The following LOX variants were observed in gnomAD, a reference collection of about 807,000 sequenced individuals.
LOX encodes protein-lysine 6-oxidase.
A neutral mutation model predicts 50.5 loss-of-function variants in LOX; 12 were observed. The observed-to-expected ratio is 0.24, with a 90% CI of 0.15 to 0.38. The LOEUF (loss-of-function observed/expected upper bound fraction) is 0.38. LOX is among the 10% of genes least tolerant of loss of function. LOX has a pLI of 1.00. For synonymous variants in LOX, 254 were observed against 230.6 expected, an observed-to-expected ratio of 1.10 and a Z score of -0.92; for missense variants, 504 against 563.8, an observed-to-expected ratio of 0.89 and a Z score of 1.07.
Position 122,064,074 on chromosome 5 carries a change from C to G in LOX, c.*2669G>C, listed in dbSNP as rs1754236536. The stretch of plus-strand genomic sequence containing the variant: ...GATCGCTAATATGGCATATTGTAAA[C>G]TGACTCATAAACTCTGAAATTATGT... On this transcript the variant is annotated 3_prime_UTR_variant, in exon 7 of 7. Coordinates refer to ENST00000231004, the MANE Select transcript of LOX (RefSeq NM_002317.7). The G allele has an allele frequency of 2.6e-5, 4 of 151,980 alleles. No homozygotes were observed. The South Asian group carries it at 8.3e-4, about 32-fold the overall frequency. The allele number at this position is 151,980 out of a possible 1,614,324, so 9.4% of individuals were successfully genotyped here.
chr5:122,077,726 G>C lies in LOX; in HGVS notation c.260C>G (p.Pro87Arg), dbSNP rs572413728. The C allele has an allele frequency of 6.3e-7, 1 of 1,580,308 alleles. No homozygotes were observed. Among genetic ancestry groups the C allele is most frequent in the Admixed American group, 1.8e-5 (1 of 55,694 alleles). The change falls in exon 1 of 7, where the codon CCC becomes CGC. Residue 87 changes from proline to arginine, a missense_variant. Physicochemically the swap from Pro to Arg is moderately radical, Grantham distance 103. Transcript: ENST00000231004. The surrounding 1 kb of genome is among the most constrained non-coding windows in gnomAD (Gnocchi z 4.9). ...PGAANASAQQPRTPILLIRDN... is the reference protein window; with the variant it reads ...PGAANASAQQRRTPILLIRDN... ...GCGGATCAGCAGGATCGGAGTGCGGGGCTGCTGGGCGGAGGCGTTGGCTGC... is the reference window on the plus strand; with the variant it reads ...GCGGATCAGCAGGATCGGAGTGCGGCGCTGCTGGGCGGAGGCGTTGGCTGC...
chr5:122,077,831 C>T lies in LOX; in HGVS notation c.155G>A (p.Gly52Glu), dbSNP rs1459190604. ...CAGGCTCAGCAAGCTGAACACCTGC[C>T]CGTTGTTCTCCCATTGGATCTGCTG... ...WRQQIQWENN[G>E]QVFSLLSLGS... Residue 52 changes from glycine (G) to glutamate (E), a missense_variant, in exon 1 of 7, where the codon GGG becomes GAG. Around this residue, in one of 2 missense-constraint regions of LOX, gnomAD observed 398 missense variants for 365.8 expected, o/e 1.09. Coordinates refer to ENST00000231004, the MANE Select transcript of LOX (RefSeq NM_002317.7). The surrounding 1 kb of genome is among the most constrained non-coding windows in gnomAD (Gnocchi z 4.9). 4 of 1,551,748 alleles carry T rather than the reference C, an allele frequency of 2.6e-6. No individual in the cohort carries two copies. The African/African-American group carries it at 4.1e-5, about 16-fold the overall frequency.
chr5:122,072,161 G>A (rs1009602955), intron 4 of LOX, among the ~76,000 whole-genome samples: 1 of 152,116 alleles, frequency 6.6e-6, no homozygotes, highest in Non-Finnish European at 1.5e-5. Context: ...CATTTAAGAT[G>A]GGTTTACATA....
rs1464984997 is a variant in LOX, at chr5:122,063,308, A to C, written c.*3435T>G. 1 of 151,986 alleles carries C rather than the reference A, an allele frequency of 6.6e-6. No individual in the cohort carries two copies. The highest frequency in any genetic ancestry group is 1.5e-5 in the Non-Finnish European group (1 of 67,916). 9.4% of individuals were successfully genotyped at this position (151,986 alleles called of 1,614,324 possible). On this transcript the variant is annotated 3_prime_UTR_variant, in exon 7 of 7. Coordinates refer to ENST00000231004, the MANE Select transcript of LOX (RefSeq NM_002317.7). ...AGGAACATAAAGCCAATGTCTGAGCATTTAAAATAAGAGTTCTTCAAAAAA... is the reference window on the plus strand; with the variant it reads ...AGGAACATAAAGCCAATGTCTGAGCCTTTAAAATAAGAGTTCTTCAAAAAA...
rs535668163 is a variant in LOX at position 122,070,813 on chromosome 5, T to G, written c.1036-224A>C. The G allele has an allele frequency of 8.6e-4, 290 of 337,060 alleles. 1 individual carries two copies. Among genetic ancestry groups the G allele is most frequent in the African/African-American group, 5.6e-3 (264 of 47,316 alleles). The allele number at this position is 337,060 out of a possible 1,614,324, so 20.9% of individuals were successfully genotyped here. ...AATATAAGTAGTAGTACACCTCACTTCTTAAAAGTGTCATATATCACCAGA... is the reference window on the plus strand; with the variant it reads ...AATATAAGTAGTAGTACACCTCACTGCTTAAAAGTGTCATATATCACCAGA... On this transcript the variant is annotated intron_variant, in intron 4 of 6. Transcript: ENST00000231004.
At chr5:122,072,469 ATATT>A (rs1304401132) in intron 4 of LOX, among the ~76,000 whole-genome samples, 4 of 152,202 alleles carry the variant, frequency 2.6e-5, no homozygotes, top group African/African-American at 4.8e-5. Flanking sequence ...AGTTTCGTAT[ATATT>A]TAATATGTAA....
Position 122,065,971 on chromosome 5 carries a change from T to C in LOX, c.*772A>G, listed in dbSNP as rs1159972859. On this transcript the variant is annotated 3_prime_UTR_variant, in exon 7 of 7. Transcript: ENST00000231004. ...AGAATGGTGATATTAAGAATCCCACTTACAACATCTCTGCCCATGGGAAAG... is the reference window on the plus strand; with the variant it reads ...AGAATGGTGATATTAAGAATCCCACCTACAACATCTCTGCCCATGGGAAAG... The C allele has an allele frequency of 6.6e-6, 1 of 152,080 alleles. No individual in the cohort carries two copies. Among genetic ancestry groups the C allele is most frequent in the Non-Finnish European group, 1.5e-5 (1 of 67,984 alleles). 9.4% of individuals were successfully genotyped at this position (152,080 alleles called of 1,614,324 possible).
chr5:122,075,570 A>T, intron 2 of LOX, 29 bp from the exon 3 acceptor site: 1 of 1,460,266 alleles, frequency 6.8e-7, no homozygotes, highest in Non-Finnish European at 9.3e-7. Flanking sequence ...AAAAATTATT[A>T]TATTCATGGA....
In LOX at chr5:122,070,257, G is replaced by T. The variant is rs1754411574; in HGVS notation, c.1132-89C>A. On this transcript the variant is annotated intron_variant, in intron 5 of 6. Transcript: ENST00000231004. ...AATGAGGACTTAGCTAAATCAAGCA[G>T]GGAAGGGATTTTAACTTAAGTAAGT... The T allele has an allele frequency of 3.8e-6, 3 of 795,226 alleles. No homozygotes were observed. In the Admixed American group the frequency reaches 6.0e-5, roughly 16 times the overall value. The allele number at this position is 795,226 out of a possible 1,614,324, so 49.3% of individuals were successfully genotyped here.
chr5:122,066,576 C>A lies in LOX; in HGVS notation c.*167G>T, dbSNP rs1345210948. The A allele has an allele frequency of 5.7e-6, 3 of 523,128 alleles. No homozygotes were observed. The highest frequency in any genetic ancestry group is 3.2e-5 in the Admixed American group (1 of 31,256). 32.4% of individuals were successfully genotyped at this position (523,128 alleles called of 1,614,324 possible). ...CCCAAGTAATGATGACTTAAGCGTT[C>A]AAAATCCAGTTATGTGCTTTGTTAT... On this transcript the variant is annotated 3_prime_UTR_variant, in exon 7 of 7. Transcript: ENST00000231004.
intron 3 of LOX, 29 bp downstream of exon 3, chr5:122,075,375 A>G (rs1161353165): frequency 1.9e-6 from 3 of 1,560,858 alleles, no homozygotes; most frequent in East Asian, 2.3e-5. Context: ...AAAGCAACCC[A>G]AAAGTACCCA....
intron 6 of LOX, among the ~76,000 whole-genome samples, chr5:122,069,327 C>T (rs1754387991): frequency 6.6e-6 from 1 of 152,062 alleles, no homozygotes; most frequent in African/African-American, 2.4e-5. Flanking sequence ...ACTCAAGTGG[C>T]ATATGTAATT....
At position 122,064,222 on chromosome 5, in the gene LOX, G is replaced by T. The variant is rs1402414057; in HGVS notation, c.*2521C>A. 1 of 151,832 alleles carries T rather than the reference G, an allele frequency of 6.6e-6. No homozygotes were observed. Among genetic ancestry groups the T allele is most frequent in the South Asian group, 2.1e-4 (1 of 4,824 alleles). 9.4% of individuals were successfully genotyped at this position (151,832 alleles called of 1,614,324 possible). On this transcript the variant is annotated 3_prime_UTR_variant, in exon 7 of 7. Coordinates refer to ENST00000231004, the MANE Select transcript of LOX (RefSeq NM_002317.7). The stretch of plus-strand genomic sequence containing the variant: ...ATGTATTTAGAGTTTGGTAAGACTG[G>T]TCTGTGTTATTTTATTAATTGATAA...
intron 6 of LOX, among the ~76,000 whole-genome samples, chr5:122,067,857 C>T (rs923766728): frequency 1.3e-5 from 2 of 151,964 alleles, no homozygotes; most frequent in Admixed American, 1.3e-4. Flanking sequence ...CTTCAAGGCT[C>T]AATTCAAATG....
chr5:122,072,271 TTTGA>T (rs1275479423), intron 4 of LOX, among the ~76,000 whole-genome samples: 2 of 152,152 alleles, frequency 1.3e-5, no homozygotes, highest in Non-Finnish European at 2.9e-5. Flanking sequence ...AAGTATAAGC[TTTGA>T]TTATTTGCAC....
intron 6 of LOX, among the ~76,000 whole-genome samples, chr5:122,068,947 G>T (rs1002866512): frequency 6.6e-6 from 1 of 151,948 alleles, no homozygotes; most frequent in Non-Finnish European, 1.5e-5. Flanking sequence ...GGGGTCGGGG[G>T]TTGGTTCTAC....
In LOX at chr5:122,065,073, G is replaced by C. The variant is rs575796396; in HGVS notation, c.*1670C>G. 1 of 152,038 alleles carries C rather than the reference G, an allele frequency of 6.6e-6. No individual in the cohort carries two copies. Among genetic ancestry groups the C allele is most frequent in the African/African-American group, 2.4e-5 (1 of 41,404 alleles). 9.4% of individuals were successfully genotyped at this position (152,038 alleles called of 1,614,324 possible). ...TAAGGCAAAGAGGTACATCAAAGAA[G>C]CTATTCCATAGCTCAGTTACAGCTC... On this transcript the variant is annotated 3_prime_UTR_variant, in exon 7 of 7. Transcript: ENST00000231004.
intron 6 of LOX, among the ~76,000 whole-genome samples, chr5:122,067,664 G>A (rs950577953): frequency 6.6e-6 from 1 of 152,056 alleles, no homozygotes; most frequent in Non-Finnish European, 1.5e-5. Context: ...CTTCCATCTG[G>A]CTCAACTTAC....
rs757946184 is a variant in LOX at position 122,077,882 on chromosome 5, G to T, written c.104C>A (p.Pro35Gln). 21 of 1,535,982 alleles carry T rather than the reference G, an allele frequency of 1.4e-5. No homozygotes were observed. In the African/African-American group the frequency reaches 2.0e-4, roughly 15 times the overall value. ...AAGQQQPPRE[P>Q]PAAPGAWRQQ... ...GCGCCAGGCGCCCGGAGCCGCCGGCGGCTCGCGCGGGGGCTGCTGTTGGCC... is the reference window on the plus strand; with the variant it reads ...GCGCCAGGCGCCCGGAGCCGCCGGCTGCTCGCGCGGGGGCTGCTGTTGGCC... Residue 35 changes from proline to glutamine, a missense_variant, in exon 1 of 7, where the codon CCG (proline) becomes CAG (glutamine). Coordinates refer to ENST00000231004, the MANE Select transcript of LOX (RefSeq NM_002317.7). This position sits in a 1 kb window ranked among gnomAD's most constrained non-coding sequence, Gnocchi z 4.9.
Sources: allele counts gnomAD v4.1 joint callset (sites outside exome capture counted in the v4.1 genomes callset), GRCh38; gene constraint gnomAD v4.1.1; regional missense constraint gnomAD v4.1.1; non-coding constraint Gnocchi (gnomAD v3.1); transcripts MANE v1.5; gene names NCBI Gene and HGNC (gene_info 2026-07-23, HGNC 2026-07-21).